The following POU3F3 variants were observed in gnomAD, a reference collection of about 807,000 sequenced individuals.
POU3F3 encodes POU class 3 homeobox 3.
POU3F3 carries 1 observed loss-of-function variant against 8.6 expected under a neutral mutation model. The observed-to-expected ratio is 0.12, with a 90% confidence interval of 0.04 to 0.55. The LOEUF (loss-of-function observed/expected upper bound fraction) is 0.55. POU3F3 is among the 20% of genes least tolerant of loss of function. POU3F3 has a pLI of 0.91. For synonymous variants in POU3F3, 418 were observed against 327.4 expected (o/e 1.28, Z -2.99); for missense variants, 577 against 690.7 (o/e 0.84, Z 1.84).
At chr2:104,876,433 T>C in the POU3F3 span, among the ~76,000 whole-genome samples, 1 of 152,210 alleles carries the variant, frequency 6.6e-6, no homozygotes, top group African/African-American at 2.4e-5. Context: ...TCCCTGGTTT[T>C]GGAGCTCTCT....
the POU3F3 span, chr2:104,872,224 C>G: frequency 2.2e-6 from 1 of 456,602 alleles, no homozygotes; most frequent in South Asian, 1.5e-5. This position sits in a 1 kb window ranked among gnomAD's most constrained non-coding sequence, Gnocchi z 4.6. Flanking sequence ...CTCCTGTCCG[C>G]TCCCCGGCGT....
At position 104,854,587 on chromosome 2, in the gene POU3F3, G is replaced by A. The variant is rs1159705652; in HGVS notation, c.-924G>A. ...AAAAGGAAAGATGTCGCATCAGACT[G>A]TGACTGTTGCGAGGAGAATGAAAAA... On this transcript the variant is annotated 5_prime_UTR_variant, in exon 1 of 1. In the 5' UTR this introduces an upstream ATG that the reference lacks. Transcript: ENST00000361360. This position sits in a 1 kb window ranked among gnomAD's most constrained non-coding sequence, Gnocchi z 4.5. Among the ~76,000 whole-genome samples, 6 of 152,208 alleles carry A rather than the reference G, an allele frequency of 3.9e-5. No individual in the cohort carries two copies. The highest frequency in any genetic ancestry group is 8.8e-5 in the Non-Finnish European group (6 of 68,046).
At chr2:104,910,060 G>A in the POU3F3 span, among the ~76,000 whole-genome samples, 7 of 152,194 alleles carry the variant, frequency 4.6e-5, no homozygotes, top group South Asian at 1.2e-3. Context: ...CGTCATTTTT[G>A]TTATTGTATA....
chr2:104,916,073 A>ATACAT, the POU3F3 span, among the ~76,000 whole-genome samples: 3 of 152,176 alleles, frequency 2.0e-5, no homozygotes, highest in East Asian at 5.8e-4. Context: ...TATAGCAAAC[A>ATACAT]TACATGATGA....
chr2:104,855,597 T>G lies in POU3F3; in HGVS notation c.87T>G (p.Ala29=), dbSNP rs186512421. ...TTGTGCACTCGGACGCGGCAGGGGCTGGCGGCGGCGGGGGTGGCGGCGGCG... is the reference window on the plus strand; with the variant it reads ...TTGTGCACTCGGACGCGGCAGGGGCGGGCGGCGGCGGGGGTGGCGGCGGCG... The part of the protein sequence containing the change: ...GSIVHSDAAG[A]GGGGGGGGGG... Residue 29 remains alanine, a synonymous_variant, in exon 1 of 1, where the codon GCT becomes GCG. Transcript: ENST00000361360. 1 of 963,484 alleles carries G rather than the reference T, an allele frequency of 1.0e-6. No homozygotes were observed. Among genetic ancestry groups the G allele is most frequent in the Non-Finnish European group, 1.2e-6 (1 of 822,642 alleles). 59.7% of individuals were successfully genotyped at this position (963,484 alleles called of 1,614,324 possible).
chr2:104,926,660 A>G, the POU3F3 span, among the ~76,000 whole-genome samples: 1 of 152,220 alleles, frequency 6.6e-6, no homozygotes, highest in Non-Finnish European at 1.5e-5. Flanking sequence ...TGTTTATTGC[A>G]GCACTGTTCA....
chr2:104,902,164 C>T, the POU3F3 span, among the ~76,000 whole-genome samples: 2 of 152,148 alleles, frequency 1.3e-5, no homozygotes, highest in Admixed American at 6.5e-5. Context: ...TACCTGCAAC[C>T]TTCTCCTTGC....
the POU3F3 span, among the ~76,000 whole-genome samples, chr2:104,908,027 A>T: frequency 6.6e-6 from 1 of 152,202 alleles, no homozygotes; most frequent in Non-Finnish European, 1.5e-5. Context: ...TCAGGATTGG[A>T]TATTGTCTTT....
At chr2:104,889,302 G>A in the POU3F3 span, among the ~76,000 whole-genome samples, 27 of 152,158 alleles carry the variant, frequency 1.8e-4, no homozygotes, top group African/African-American at 6.5e-4. Flanking sequence ...AAGAAAAAAG[G>A]GAAACAGGGA....
At chr2:104,872,514 A>C in the POU3F3 span, 2 of 346,502 alleles carry the variant, frequency 5.8e-6, no homozygotes, top group Non-Finnish European at 1.1e-5. This position sits in a 1 kb window ranked among gnomAD's most constrained non-coding sequence, Gnocchi z 4.6. Flanking sequence ...GCCCCTCTTC[A>C]GCTTACCCTT....
the POU3F3 span, among the ~76,000 whole-genome samples, chr2:104,913,758 A>G: frequency 1.3e-5 from 2 of 152,226 alleles, no homozygotes; most frequent in South Asian, 4.1e-4. Flanking sequence ...TGCACCCTGA[A>G]CGTAGAGCCT....
chr2:104,916,134 A>G, the POU3F3 span, among the ~76,000 whole-genome samples: 10 of 152,192 alleles, frequency 6.6e-5, no homozygotes, highest in East Asian at 1.9e-3. Context: ...ATACTCTAAC[A>G]CAGAAGACTG....
the POU3F3 span, chr2:104,868,127 C>G: frequency 2.6e-6 from 1 of 377,710 alleles, no homozygotes; most frequent in Non-Finnish European, 5.2e-6. Flanking sequence ...AAAAATCACC[C>G]GGATGACCTC....
chr2:104,899,102 C>T, the POU3F3 span, among the ~76,000 whole-genome samples: 1 of 152,140 alleles, frequency 6.6e-6, no homozygotes, highest in Non-Finnish European at 1.5e-5. Flanking sequence ...AATTCTAATC[C>T]AAGGAGCATG....
chr2:104,856,183 C>A lies in POU3F3; in HGVS notation c.673C>A (p.Pro225Thr). The change falls in exon 1 of 1, where the codon CCC becomes ACC. Residue 225 changes from proline to threonine, a missense_variant. By Grantham distance (38) the Pro-to-Thr change is conservative. Around this residue, in one of 7 missense-constraint regions of POU3F3, gnomAD observed 484 missense variants for 422.6 expected, o/e 1.15. Coordinates refer to ENST00000361360, the MANE Select transcript of POU3F3 (RefSeq NM_006236.3). ...PPPQSLLYSQ[P>T]GGFTVNGMLS... Reference sequence around the variant, plus strand: ...GCCGCAGAGTCTGCTCTACTCGCAGCCCGGAGGCTTCACGGTGAACGGCAT... The same window carrying A: ...GCCGCAGAGTCTGCTCTACTCGCAGACCGGAGGCTTCACGGTGAACGGCAT... The A allele has an allele frequency of 7.9e-7, 1 of 1,269,420 alleles. No homozygotes were observed. Among genetic ancestry groups the A allele is most frequent in the Non-Finnish European group, 9.9e-7 (1 of 1,013,022 alleles). The allele number at this position is 1,269,420 out of a possible 1,614,324, so 78.6% of individuals were successfully genotyped here.
chr2:104,877,116 A>T, the POU3F3 span, among the ~76,000 whole-genome samples: 4 of 152,092 alleles, frequency 2.6e-5, no homozygotes, highest in Non-Finnish European at 4.4e-5. Context: ...AAGAAAGAGA[A>T]CCACACAAAA....
At chr2:104,905,465 G>A in the POU3F3 span, among the ~76,000 whole-genome samples, 10 of 152,132 alleles carry the variant, frequency 6.6e-5, 1 homozygote, top group African/African-American at 2.2e-4. Context: ...GAAGAGTTTT[G>A]TTTTAACAAA....
chr2:104,867,910 C>T, the POU3F3 span: 18 of 214,786 alleles, frequency 8.4e-5, no homozygotes, highest in East Asian at 2.4e-3. This position sits in a 1 kb window ranked among gnomAD's most constrained non-coding sequence, Gnocchi z 5.0. Context: ...GCACTCCGCC[C>T]CCGCTGAGGT....
At chr2:104,890,750 C>T in the POU3F3 span, among the ~76,000 whole-genome samples, 6 of 152,292 alleles carry the variant, frequency 3.9e-5, no homozygotes, top group East Asian at 1.9e-4. Flanking sequence ...CCTCCACACT[C>T]GGGTAAAAGA....
Sources: allele counts gnomAD v4.1 joint callset (sites outside exome capture counted in the v4.1 genomes callset), GRCh38; gene constraint gnomAD v4.1.1; regional missense constraint gnomAD v4.1.1; non-coding constraint Gnocchi (gnomAD v3.1); transcripts MANE v1.5; gene names NCBI Gene and HGNC (gene_info 2026-07-23, HGNC 2026-07-21).